TAAR8: variants seen among roughly 807,000 people sequenced by gnomAD.
The protein encoded by TAAR8 is trace amine-associated receptor 8.
For missense variants in TAAR8, 459 were observed against 405.8 expected, an observed-to-expected ratio of 1.13 and a Z score of -1.13; for synonymous variants, 157 against 152.7, an observed-to-expected ratio of 1.03 and a Z score of -0.21.
At position 132,553,201 on chromosome 6, in the gene TAAR8, G is replaced by T. The variant is rs754187443; in HGVS notation, c.509G>T (p.Gly170Val). The T allele has an allele frequency of 3.2e-5, 51 of 1,614,052 alleles. No individual in the cohort carries two copies. The highest frequency in any genetic ancestry group is 4.2e-5 in the Non-Finnish European group (50 of 1,180,044). Residue 170 changes from glycine to valine, a missense_variant, in exon 1 of 1, where the codon GGT (glycine) becomes GTT (valine). Coordinates refer to ENST00000275200, the Ensembl canonical transcript of TAAR8. ...TACAGCGGTGCTGTGTTCTACACAG[G>T]TGTCAATGATGATGGGCTGGAGGAA...
chr6:132,553,334 T>C (rs749250388), exon 1 of TAAR8: 9 of 1,613,960 alleles, frequency 5.6e-6, no homozygotes, highest in Non-Finnish European at 7.6e-6. Context: ...TTATGATAAT[T>C]CTTTACAGTA....
exon 1 of TAAR8, chr6:132,553,177 A>C: frequency 6.2e-7 from 1 of 1,614,070 alleles, no homozygotes; most frequent in South Asian, 1.1e-5. Flanking sequence ...CCTCTCACGT[A>C]CAGCGGTGCT....
chr6:132,552,853 C>T (rs1776400446), exon 1 of TAAR8: 3 of 1,613,996 alleles, frequency 1.9e-6, no homozygotes, highest in South Asian at 2.2e-5. Flanking sequence ...TTAGTAATGA[C>T]TTCTGTTCTT....
exon 1 of TAAR8, chr6:132,553,524 T>G (rs959475675): frequency 6.2e-7 from 1 of 1,613,642 alleles, no homozygotes; most frequent in African/African-American, 1.3e-5. Context: ...AGTTGATATA[T>G]TAATTGATGC....
At chr6:132,553,094 T>C (rs1776404019) in exon 1 of TAAR8, 1 of 1,614,130 alleles carries the variant, frequency 6.2e-7, no homozygotes, top group Non-Finnish European at 8.5e-7. Flanking sequence ...TTGTGGTTAC[T>C]GATCCCCTGG....
chr6:132,553,454 A>T (rs1205489225), exon 1 of TAAR8: 2 of 1,614,084 alleles, frequency 1.2e-6, no homozygotes, highest in African/African-American at 1.3e-5. Context: ...GAGAGAGGAA[A>T]GCAGCTAAAA....
At chr6:132,553,025 T>C (rs1776402704) in exon 1 of TAAR8, 2 of 1,614,226 alleles carry the variant, frequency 1.2e-6, no homozygotes, top group Non-Finnish European at 1.7e-6. Context: ...GTTGCTGTGA[T>C]GTGGCATTTT....
chr6:132,552,688 G>A (rs1379873509), upstream of TAAR8: 3 of 1,599,512 alleles, frequency 1.9e-6, no homozygotes, highest in Non-Finnish European at 2.6e-6. Flanking sequence ...ACAAACAGCA[G>A]AACCATGACC....
At chr6:132,552,721 T>C (rs1488742056) in exon 1 of TAAR8, 9 of 1,613,144 alleles carry the variant, frequency 5.6e-6, no homozygotes, top group Non-Finnish European at 7.6e-6. Flanking sequence ...CAACCTGTTG[T>C]GCAGCTTTGC....
At chr6:132,553,181 C>A (rs772798598) in exon 1 of TAAR8, 3 of 1,614,096 alleles carry the variant, frequency 1.9e-6, no homozygotes, top group East Asian at 4.5e-5. Flanking sequence ...TCACGTACAG[C>A]GGTGCTGTGT....
chr6:132,553,093 C>T, exon 1 of TAAR8: 1 of 1,614,200 alleles, frequency 6.2e-7, no homozygotes, highest in Non-Finnish European at 8.5e-7. Context: ...ATTGTGGTTA[C>T]TGATCCCCTG....
At position 132,552,845 on chromosome 6, in the gene TAAR8, A is replaced by G. The variant is rs771219437; in HGVS notation, c.153A>G (p.Leu51=). The change falls in exon 1 of 1, where the codon TTA becomes TTG. Residue 51 remains leucine (L), a synonymous_variant. Coordinates refer to ENST00000275200, the Ensembl canonical transcript of TAAR8. ...TGCTGGCTGTATTTGGAAATCTCTT[A>G]GTAATGACTTCTGTTCTTCATTTTA... 7.4e-6 allele frequency: 12 copies of G among 1,614,082 alleles called. No individual in the cohort carries two copies. In the Admixed American group the frequency reaches 1.5e-4, roughly 20 times the overall value.
exon 1 of TAAR8, chr6:132,553,123 C>A: frequency 1.2e-6 from 2 of 1,614,176 alleles, no homozygotes; most frequent in Non-Finnish European, 1.7e-6. Flanking sequence ...ACCAAGTTCA[C>A]CGTGTCTGTG....
chr6:132,552,885 C>T (rs1293534323), exon 1 of TAAR8: 1 of 1,614,064 alleles, frequency 6.2e-7, no homozygotes, highest in African/African-American at 1.3e-5. Flanking sequence ...GCTGCACTCT[C>T]CAACCAATTT....
chr6:132,553,686 G>T, exon 1 of TAAR8: 2 of 1,599,056 alleles, frequency 1.3e-6, no homozygotes, highest in Non-Finnish European at 1.7e-6. Context: ...TGTTTTAAAG[G>T]CTAGTTCATC....
At chr6:132,553,342 G>C in exon 1 of TAAR8, 1 of 1,613,942 alleles carries the variant, frequency 6.2e-7, no homozygotes, top group East Asian at 2.2e-5. Flanking sequence ...ATTCTTTACA[G>C]TAAGATTTTT....
rs1243562972 is a variant in TAAR8, at chr6:132,553,528, T to C, written c.836T>C (p.Ile279Thr). The change falls in exon 1 of 1, where the codon ATT becomes ACT. Residue 279 changes from isoleucine (I) to threonine (T), a missense_variant. Physicochemically the swap from Ile to Thr is moderately conservative, Grantham distance 89 (BLOSUM62 -1). Coordinates refer to ENST00000275200, the Ensembl canonical transcript of TAAR8. Reference sequence around the variant, plus strand: ...TTACCGTATACAGTTGATATATTAATTGATGCCTTTATGGGCTTCCTGACC... The same window carrying C: ...TTACCGTATACAGTTGATATATTAACTGATGCCTTTATGGGCTTCCTGACC... 4.3e-6 allele frequency: 7 copies of C among 1,614,048 alleles called. No individual in the cohort carries two copies. The highest frequency in any genetic ancestry group is 3.3e-4 in the Middle Eastern group (2 of 6,060).
At chr6:132,553,567 A>G (rs200472634) in exon 1 of TAAR8, 16 of 1,614,040 alleles carry the variant, frequency 9.9e-6, no homozygotes, top group African/African-American at 8.0e-5. Flanking sequence ...GCCTATATCT[A>G]TGAAATTTGC....
At chr6:132,552,751 C>G (rs1562356519) in exon 1 of TAAR8, 1 of 1,614,170 alleles carries the variant, frequency 6.2e-7, no homozygotes, top group Non-Finnish European at 8.5e-7. Context: ...GTGAATGGAT[C>G]TTGTATTGAA....
Sources: allele counts gnomAD v4.1 joint callset, GRCh38; gene constraint gnomAD v4.1.1; transcripts MANE v1.5; gene names NCBI Gene and HGNC (gene_info 2026-07-23, HGNC 2026-07-21).